The following STK39 variants were observed in gnomAD, a reference collection of about 807,000 sequenced individuals.
The protein encoded by STK39 is serine/threonine kinase 39.
A neutral mutation model predicts 77.8 loss-of-function variants in STK39; 20 were observed. The ratio of observed to expected loss-of-function variants is 0.26; its 90% confidence interval spans 0.18 to 0.37. The LOEUF (loss-of-function observed/expected upper bound fraction) is 0.37. Ranked by LOEUF, STK39 falls within the 10% of genes least tolerant of loss-of-function variation. The probability of loss-of-function intolerance (pLI) is 1.00; values close to 1 mark genes in which losing one functional copy is unlikely to be tolerated. For synonymous variants in STK39, 246 were observed against 234.1 expected (o/e 1.05, Z -0.47); for missense variants, 479 against 656.5 (o/e 0.73, Z 2.95).
Position 168,140,406 on chromosome 2 carries a change from G to A in STK39, c.739-16C>T, listed in dbSNP as rs1325024671. On this transcript the variant is annotated splice_polypyrimidine_tract_variant and intron_variant, in intron 6 of 17. Coordinates refer to ENST00000355999, the MANE Select transcript of STK39 (RefSeq NM_013233.3). The stretch of plus-strand genomic sequence containing the variant: ...AGCCTCTCACCTAAGAAAGAAAGCA[G>A]GAAAAAAACACAATCATACAGCAGG... The A allele has an allele frequency of 1.9e-6, 3 of 1,604,108 alleles. No individual in the cohort carries two copies. The highest frequency in any genetic ancestry group is 1.3e-5 in the African/African-American group (1 of 74,604).
intron 16 of STK39, among the ~76,000 whole-genome samples, chr2:167,966,583 T>C (rs1253621070): frequency 1.3e-5 from 2 of 152,190 alleles, no homozygotes; most frequent in African/African-American, 4.8e-5. Context: ...AGCTCTAGCC[T>C]ACACTAATTC....
chr2:168,212,101 T>C (rs905453710), intron 1 of STK39, among the ~76,000 whole-genome samples: 1 of 152,224 alleles, frequency 6.6e-6, no homozygotes, highest in Non-Finnish European at 1.5e-5. Flanking sequence ...AACCTTTGTT[T>C]CTCTCACTTT....
chr2:168,044,208 G>C (rs1195174515), intron 14 of STK39, among the ~76,000 whole-genome samples: 4 of 152,122 alleles, frequency 2.6e-5, no homozygotes, highest in African/African-American at 9.7e-5. Flanking sequence ...AGTATATCAC[G>C]GGTATTGTCA....
intron 2 of STK39, among the ~76,000 whole-genome samples, chr2:168,169,631 C>CGTGT (rs10611769): frequency 0.051 from 7,459 of 145,902 alleles, 243 homozygotes; most frequent in Non-Finnish European, 0.073. Context: ...TTGCAGTGAG[C>CGTGT]GTGTGTGTGT....
At chr2:168,162,426 TAG>T (rs985069748) in intron 4 of STK39, among the ~76,000 whole-genome samples, 2 of 151,708 alleles carry the variant, frequency 1.3e-5, no homozygotes, top group Non-Finnish European at 2.9e-5. Context: ...CATCAGTAAA[TAG>T]ACTCTCTATT....
At chr2:168,164,775 T>A (rs1688657772) in intron 3 of STK39, among the ~76,000 whole-genome samples, 1 of 152,238 alleles carries the variant, frequency 6.6e-6, no homozygotes, top group South Asian at 2.1e-4. Context: ...AGATACCTAG[T>A]ACTTTGTTAC....
chr2:168,221,834 A>G (rs1366148176), intron 1 of STK39, among the ~76,000 whole-genome samples: 1 of 152,098 alleles, frequency 6.6e-6, no homozygotes, highest in East Asian at 1.9e-4. Context: ...GATGGAGGAT[A>G]ATTAACCCAT....
intron 16 of STK39, among the ~76,000 whole-genome samples, chr2:168,010,028 T>C (rs1016621832): frequency 6.6e-6 from 1 of 151,274 alleles, no homozygotes; most frequent in African/African-American, 2.4e-5. Context: ...GCAAGGACTA[T>C]GCTTAAAAGA....
At chr2:168,139,477 G>A (rs1327490632) in intron 7 of STK39, among the ~76,000 whole-genome samples, 1 of 151,086 alleles carries the variant, frequency 6.6e-6, no homozygotes. Context: ...TCTGGTTGAT[G>A]AGATTACGGA....
At chr2:168,012,960 C>A (rs193061310) in intron 15 of STK39, among the ~76,000 whole-genome samples, 1 of 152,356 alleles carries the variant, frequency 6.6e-6, no homozygotes, top group East Asian at 1.9e-4. Flanking sequence ...CTTGTGCCCT[C>A]TGGCTACTAT....
At position 168,247,346 on chromosome 2, in the gene STK39, GGCCGCCGGGGCCGCCGCC is replaced by G; in HGVS notation, c.72_89del (p.Ala26_Ala31del). 4.8e-6 allele frequency: 5 copies of G among 1,043,290 alleles called. No individual in the cohort carries two copies. Among genetic ancestry groups the G allele is most frequent in the Non-Finnish European group, 5.8e-6 (5 of 865,598 alleles). 64.6% of individuals were successfully genotyped at this position (1,043,290 alleles called of 1,614,324 possible). ...CTGCCGGGGCCGGCGCTGCTGTCGC[GGCCGCCGGGGCCGCCGCC>G]GCCGCCGCTGTCACCGGGGCCGCCT... On this transcript the variant is annotated inframe_deletion, in exon 1 of 18. Transcript: ENST00000355999.
intron 15 of STK39, among the ~76,000 whole-genome samples, chr2:168,013,229 C>T (rs16854541): frequency 0.13 from 19,307 of 152,224 alleles, 4,076 homozygotes; most frequent in African/African-American, 0.44. Flanking sequence ...TAACATGACA[C>T]TGATCATTTG....
intron 2 of STK39, among the ~76,000 whole-genome samples, chr2:168,180,793 T>C (rs1459483216): frequency 1.3e-5 from 2 of 152,200 alleles, no homozygotes; most frequent in East Asian, 1.9e-4. Flanking sequence ...CTTGAATGTA[T>C]GCAAATTTCA....
intron 14 of STK39, among the ~76,000 whole-genome samples, chr2:168,021,310 G>A (rs537233596): frequency 3.7e-4 from 56 of 152,236 alleles, no homozygotes; most frequent in Non-Finnish European, 6.8e-4. Flanking sequence ...TGGAGGCTGC[G>A]TAGTCAAGTC....
intron 14 of STK39, among the ~76,000 whole-genome samples, chr2:168,041,563 G>A (rs1574414616): frequency 6.6e-6 from 1 of 151,990 alleles, no homozygotes; most frequent in East Asian, 1.9e-4. Flanking sequence ...TCAGATTTTT[G>A]AATTTTCCAA....
chr2:168,024,505 G>A (rs562586486), intron 14 of STK39, among the ~76,000 whole-genome samples: 3 of 152,242 alleles, frequency 2.0e-5, no homozygotes, highest in Non-Finnish European at 2.9e-5. Flanking sequence ...TTCTAAAAGC[G>A]CTTGAGGCTG....
At chr2:168,147,894 T>C (rs1474831385) in intron 5 of STK39, among the ~76,000 whole-genome samples, 1 of 152,228 alleles carries the variant, frequency 6.6e-6, no homozygotes, top group Non-Finnish European at 1.5e-5. Flanking sequence ...CTTTAGCAGT[T>C]AGCAGTTACA....
At chr2:168,218,703 C>A (rs1220478051) in intron 1 of STK39, among the ~76,000 whole-genome samples, 1 of 152,144 alleles carries the variant, frequency 6.6e-6, no homozygotes, top group East Asian at 1.9e-4. Flanking sequence ...CACTCCTCCT[C>A]CACCCCCAAA....
intron 10 of STK39, among the ~76,000 whole-genome samples, chr2:168,087,595 G>A (rs1225115903): frequency 6.6e-6 from 1 of 152,186 alleles, no homozygotes; most frequent in Non-Finnish European, 1.5e-5. Flanking sequence ...TGCTCTTCCT[G>A]ACAGCCTACC....
Sources: allele counts gnomAD v4.1 joint callset (sites outside exome capture counted in the v4.1 genomes callset), GRCh38; gene constraint gnomAD v4.1.1; transcripts MANE v1.5; gene names NCBI Gene and HGNC (gene_info 2026-07-23, HGNC 2026-07-21).